The following CBFB variants were observed in gnomAD, a reference collection of about 807,000 sequenced individuals.
CBFB encodes CBF-beta.
Under a neutral mutation model 30.4 loss-of-function variants are expected in CBFB, and 9 were observed. The observed-to-expected ratio is 0.30, with a 90% CI of 0.18 to 0.52. CBFB has a LOEUF of 0.52. CBFB is among the 20% of genes least tolerant of loss of function. The pLI is 0.97. For missense variants in CBFB, 170 were observed against 244.0 expected (o/e 0.70, Z 2.02); for synonymous variants, 94 against 84.0 (o/e 1.12, Z -0.65).
chr16:67,058,313 G>GT (rs1960789896), intron 3 of CBFB, among the ~76,000 whole-genome samples: 1 of 152,084 alleles, frequency 6.6e-6, no homozygotes, highest in African/African-American at 2.4e-5. Flanking sequence ...ACTAATTTTT[G>GT]TATTTTTAGT....
rs1962147869 is a variant in CBFB, at chr16:67,099,251, T to A, written c.*473T>A. On this transcript the variant is annotated 3_prime_UTR_variant, in exon 6 of 6. Transcript: ENST00000412916. ...TATTTTTTGTTTTGTTTGCCCCATT[T>A]CCTTTTGTGTTTTTATAGTCTATAG... is the stretch of plus-strand genomic sequence containing the variant. 1 of 232,512 alleles carries A rather than the reference T, an allele frequency of 4.3e-6. No individual in the cohort carries two copies. The highest frequency in any genetic ancestry group is 8.5e-6 in the Non-Finnish European group (1 of 117,954). 14.4% of individuals were successfully genotyped at this position (232,512 alleles called of 1,614,324 possible). A position where few individuals can be genotyped will look rare whatever the true frequency, so the allele number is the denominator to read the frequency against.
Position 67,099,741 on chromosome 16 carries a change from G to C in CBFB, c.*963G>C, listed in dbSNP as rs1396120945. The C allele has an allele frequency of 4.9e-6, 1 of 205,496 alleles. No individual in the cohort carries two copies. The highest frequency in any genetic ancestry group is 7.5e-5 in the East Asian group (1 of 13,408). The allele number at this position is 205,496 out of a possible 1,614,324, so 12.7% of individuals were successfully genotyped here. ...AGTCAATCAGAAAAGGGATACTGGA[G>C]CTTCTTCATGTATGTAACAGCATAT... On this transcript the variant is annotated 3_prime_UTR_variant, in exon 6 of 6. Coordinates refer to ENST00000412916, the MANE Select transcript of CBFB (RefSeq NM_022845.3).
chr16:67,045,050 C>T (rs1966598485), intron 3 of CBFB, among the ~76,000 whole-genome samples: 2 of 152,032 alleles, frequency 1.3e-5, no homozygotes, highest in African/African-American at 4.8e-5. Flanking sequence ...CTATAATACT[C>T]TAATAATAAC....
intron 3 of CBFB, among the ~76,000 whole-genome samples, chr16:67,037,336 T>G (rs1567604325): frequency 6.6e-6 from 1 of 152,182 alleles, no homozygotes; most frequent in Non-Finnish European, 1.5e-5. Context: ...GAGATATATT[T>G]TGTTTACAAA....
At chr16:67,038,117 C>CT (rs1567604659) in intron 3 of CBFB, among the ~76,000 whole-genome samples, 1 of 151,878 alleles carries the variant, frequency 6.6e-6, no homozygotes, top group Admixed American at 6.6e-5. Context: ...CAGTTTCATA[C>CT]TTTTTTTGTG....
intron 4 of CBFB, among the ~76,000 whole-genome samples, chr16:67,070,129 C>G (rs1961179209): frequency 6.6e-6 from 1 of 152,126 alleles, no homozygotes; most frequent in Non-Finnish European, 1.5e-5. Context: ...GTTGTATCTT[C>G]CCATATAGTT....
At chr16:67,066,043 G>C (rs1184096292) in intron 3 of CBFB, among the ~76,000 whole-genome samples, 1 of 151,846 alleles carries the variant, frequency 6.6e-6, no homozygotes. Flanking sequence ...GTTAAAAGCA[G>C]TAGAAATCAA....
At chr16:67,034,602 G>A (rs56098260) in intron 2 of CBFB, among the ~76,000 whole-genome samples, 1,943 of 152,278 alleles carry the variant, frequency 0.013, 27 homozygotes, top group Non-Finnish European at 0.021. Context: ...TGAGATAATG[G>A]ACATATAGTG....
Position 67,029,206 on chromosome 16 carries a change from CGGCGGCGTGGGTTGGGCTCGAGCG to C in CBFB, c.-194_-171del, listed in dbSNP as rs1313858393. 1 of 236,576 alleles carries C rather than the reference CGGCGGCGTGGGTTGGGCTCGAGCG, an allele frequency of 4.2e-6. No individual in the cohort carries two copies. Among genetic ancestry groups the C allele is most frequent in the Non-Finnish European group, 7.7e-6 (1 of 130,302 alleles). The allele number at this position is 236,576 out of a possible 1,614,324, so 14.7% of individuals were successfully genotyped here. A position where few individuals can be genotyped will look rare whatever the true frequency, so the allele number is the denominator to read the frequency against. On this transcript the variant is annotated 5_prime_UTR_variant, in exon 1 of 6. Transcript: ENST00000412916. ...ACGGCTGAGGCGGCGGCGGCGGCGGCGGCGGCGTGGGTTGGGCTCGAGCGGGCGGCGGCGCCTCAGACTCCCCGG... is the reference window on the plus strand; with the variant it reads ...ACGGCTGAGGCGGCGGCGGCGGCGGCGGCGGCGGCGCCTCAGACTCCCCGG...
At chr16:67,067,895 C>G (rs1413397125) in intron 4 of CBFB, among the ~76,000 whole-genome samples, 3 of 152,166 alleles carry the variant, frequency 2.0e-5, no homozygotes, top group African/African-American at 4.8e-5. Flanking sequence ...GTAAAGTAGA[C>G]CCTACTAAGA....
chr16:67,050,198 T>C (rs1488632188), intron 3 of CBFB, among the ~76,000 whole-genome samples: 1 of 147,968 alleles, frequency 6.8e-6, no homozygotes, highest in Non-Finnish European at 1.5e-5. Flanking sequence ...ATATATAATA[T>C]ATGTTATATA....
At chr16:67,076,956 TTAAC>T (rs1292705769) in intron 4 of CBFB, among the ~76,000 whole-genome samples, 7 of 152,160 alleles carry the variant, frequency 4.6e-5, no homozygotes, top group Admixed American at 2.0e-4. Context: ...TTCAGTTACT[TTAAC>T]TATGGATATA....
intron 3 of CBFB, among the ~76,000 whole-genome samples, chr16:67,044,980 C>G (rs1384586400): frequency 6.6e-6 from 1 of 152,092 alleles, no homozygotes; most frequent in Non-Finnish European, 1.5e-5. Context: ...ATTGACAGCA[C>G]TTAGTTATTG....
chr16:67,087,178 A>C (rs1961756512), intron 5 of CBFB, among the ~76,000 whole-genome samples: 1 of 152,184 alleles, frequency 6.6e-6, no homozygotes, highest in Non-Finnish European at 1.5e-5. Flanking sequence ...TTATATTTGG[A>C]GATTAACTAT....
chr16:67,034,947 G>A (rs77790261), intron 2 of CBFB, among the ~76,000 whole-genome samples: 9,537 of 151,790 alleles, frequency 0.063, 482 homozygotes, highest in African/African-American at 0.13. Context: ...ACAAATAATT[G>A]ATTTGTGAGA....
At chr16:67,066,602 G>A (rs1961067565) in intron 3 of CBFB, 80 bp from the exon 4 acceptor site, 2 of 729,444 alleles carry the variant, frequency 2.7e-6, no homozygotes, top group Non-Finnish European at 2.4e-6. Flanking sequence ...TTTCTACAGA[G>A]TTTATATAAG....
intron 5 of CBFB, among the ~76,000 whole-genome samples, chr16:67,088,062 A>G (rs575910077): frequency 2.6e-5 from 4 of 152,334 alleles, no homozygotes; most frequent in African/African-American, 7.2e-5. Flanking sequence ...ATTTTCATCA[A>G]TGATTTAAGA....
chr16:67,059,857 A>G (rs995981559), intron 3 of CBFB, among the ~76,000 whole-genome samples: 1 of 152,188 alleles, frequency 6.6e-6, no homozygotes, highest in African/African-American at 2.4e-5. Context: ...TATTCTCAGA[A>G]TGCTGGAATC....
At chr16:67,085,901 AT>A (rs1961718233) in intron 5 of CBFB, among the ~76,000 whole-genome samples, 1 of 151,294 alleles carries the variant, frequency 6.6e-6, no homozygotes, top group South Asian at 2.1e-4. Context: ...GATGGTCTCG[AT>A]CTCCTGACCT....
Sources: gnomAD v4.1 joint callset for allele counts (sites outside exome capture counted in the v4.1 genomes callset) on GRCh38, gnomAD v4.1.1 for gene constraint, MANE v1.5 for transcripts, NCBI Gene and HGNC (gene_info 2026-07-23, HGNC 2026-07-21) for gene names.